Variants in CAMTA1 observed in about 807,000 individuals in gnomAD.
The protein encoded by CAMTA1 is calmodulin-binding transcription activator 1.
Under a neutral mutation model 170.9 loss-of-function variants are expected in CAMTA1, and 27 were observed. That is an observed-to-expected ratio of 0.16 (90% CI 0.12 to 0.22). CAMTA1 has a LOEUF of 0.22. CAMTA1 is among the 10% of genes least tolerant of loss of function. The probability of loss-of-function intolerance (pLI) is 1.00; values close to 1 mark genes in which losing one functional copy is unlikely to be tolerated. For synonymous variants in CAMTA1, 833 were observed against 891.5 expected (o/e 0.93, Z 1.17); for missense variants, 1,619 against 2,217.2 (o/e 0.73, Z 5.42).
intron 3 of CAMTA1, among the ~76,000 whole-genome samples, chr1:6,845,835 T>C (rs2148743232): frequency 6.6e-6 from 1 of 152,318 alleles, no homozygotes; most frequent in Admixed American, 6.5e-5. Flanking sequence ...ATTGTATTAG[T>C]CCGTTCTCAT....
chr1:6,928,369 A>G (rs1683738647), intron 3 of CAMTA1, among the ~76,000 whole-genome samples: 1 of 152,192 alleles, frequency 6.6e-6, no homozygotes, highest in African/African-American at 2.4e-5. Context: ...AGGGAGTCTG[A>G]AGAGATCAGA....
rs201698162 is a variant in CAMTA1 at position 7,467,810 on chromosome 1, C to T, written c.439-20C>T. ...CCTTCCCTCTTTCCAACTGAATTCT[C>T]GTTTTTCCTCTCTCCCTAGTGCTTG... On this transcript the variant is annotated intron_variant, in intron 5 of 22. Coordinates refer to ENST00000303635, the MANE Select transcript of CAMTA1 (RefSeq NM_015215.4). 7.5e-6 allele frequency: 12 copies of T among 1,601,366 alleles called. No individual in the cohort carries two copies. The highest frequency in any genetic ancestry group is 1.6e-4 in the Middle Eastern group (1 of 6,070).
At chr1:7,717,895 C>T (rs891255397) in intron 11 of CAMTA1, among the ~76,000 whole-genome samples, 45 of 152,172 alleles carry the variant, frequency 3.0e-4, no homozygotes, top group African/African-American at 7.7e-4. Context: ...TTGAAGTTCA[C>T]GTTGTGTATT....
At chr1:7,737,687 G>A in intron 15 of CAMTA1, 117 bp downstream of exon 15, 2 of 1,085,142 alleles carry the variant, frequency 1.8e-6, no homozygotes, top group Non-Finnish European at 2.6e-6. Context: ...TTTTGTTAAT[G>A]TTTCTGATTT....
At chr1:6,870,923 T>C (rs914044845) in intron 3 of CAMTA1, among the ~76,000 whole-genome samples, 2 of 152,244 alleles carry the variant, frequency 1.3e-5, no homozygotes, top group African/African-American at 2.4e-5. Flanking sequence ...TGAAATTATT[T>C]AGTATAACCA....
intron 3 of CAMTA1, among the ~76,000 whole-genome samples, chr1:7,069,117 C>T (rs1490935022): frequency 6.6e-6 from 1 of 152,186 alleles, no homozygotes; most frequent in Non-Finnish European, 1.5e-5. Flanking sequence ...TTTCCCATTT[C>T]CGGCCATGTC....
intron 11 of CAMTA1, among the ~76,000 whole-genome samples, chr1:7,712,407 A>G (rs2096577637): frequency 6.6e-6 from 1 of 151,726 alleles, no homozygotes; most frequent in South Asian, 2.1e-4. Context: ...TGCAACTCCC[A>G]CTGCCCAGGC....
intron 4 of CAMTA1, among the ~76,000 whole-genome samples, chr1:7,159,564 G>A (rs1647081678): frequency 6.6e-6 from 1 of 151,964 alleles, no homozygotes; most frequent in Non-Finnish European, 1.5e-5. Context: ...TTGTTTTTGA[G>A]ACAGGGTCTT....
intron 1 of CAMTA1, among the ~76,000 whole-genome samples, chr1:6,793,015 C>CTT (rs34794170): frequency 0.19 from 28,806 of 151,784 alleles, 2,785 homozygotes; most frequent in East Asian, 0.29. Flanking sequence ...TCATACCACT[C>CTT]ATATATATCT....
chr1:7,173,697 A>ATT lies in CAMTA1; in HGVS notation c.303-75784_303-75783dup, dbSNP rs5772268. Among the ~76,000 whole-genome samples, 123 of 149,284 alleles carry ATT rather than the reference A, an allele frequency of 8.2e-4. No individual in the cohort carries two copies. The highest frequency in any genetic ancestry group is 2.7e-3 in the African/African-American group (109 of 40,600). On this transcript the variant is annotated intron_variant, in intron 4 of 22. Coordinates refer to ENST00000303635, the MANE Select transcript of CAMTA1 (RefSeq NM_015215.4). This position sits in a 1 kb window ranked among gnomAD's most constrained non-coding sequence, Gnocchi z 5.4. ...GCCACCGTGCCCAGCCCAGAGCTTA[A>ATT]TTTTTTTTTTTAATTATTTCTTTCT...
intron 3 of CAMTA1, among the ~76,000 whole-genome samples, chr1:6,931,162 T>G (rs1224295848): frequency 6.6e-6 from 1 of 152,150 alleles, no homozygotes; most frequent in South Asian, 2.1e-4. Context: ...AGCAAGAGGG[T>G]GTGGGCTGGG....
At chr1:7,632,010 CGCCCAG>C (rs1218573863) in intron 6 of CAMTA1, among the ~76,000 whole-genome samples, 3 of 152,018 alleles carry the variant, frequency 2.0e-5, no homozygotes, top group Non-Finnish European at 4.4e-5. Context: ...CACCCAGTGT[CGCCCAG>C]TGTCGCCCAG....
intron 5 of CAMTA1, among the ~76,000 whole-genome samples, chr1:7,285,158 C>T (rs770434156): frequency 2.6e-5 from 4 of 152,202 alleles, no homozygotes; most frequent in Admixed American, 6.5e-5. Context: ...TGTTTACAGG[C>T]AGCTCACTTC....
chr1:6,978,170 G>A (rs1295812382), intron 3 of CAMTA1, among the ~76,000 whole-genome samples: 1 of 152,166 alleles, frequency 6.6e-6, no homozygotes, highest in Non-Finnish European at 1.5e-5. Flanking sequence ...GCATAACAGG[G>A]TGGCTAGAGT....
intron 11 of CAMTA1, among the ~76,000 whole-genome samples, chr1:7,713,827 G>A (rs2149694536): frequency 6.6e-6 from 1 of 152,254 alleles, no homozygotes; most frequent in East Asian, 1.9e-4. Flanking sequence ...AACAGAAAGC[G>A]CAAGAATTGT....
chr1:6,878,356 G>T (rs1670524928), intron 3 of CAMTA1, among the ~76,000 whole-genome samples: 1 of 152,234 alleles, frequency 6.6e-6, no homozygotes, highest in Non-Finnish European at 1.5e-5. Context: ...CCACAGCCCA[G>T]CTCGTAGATC....
chr1:7,259,987 A>T (rs7515140), intron 5 of CAMTA1, among the ~76,000 whole-genome samples: 120,426 of 152,194 alleles, frequency 0.79, 48,038 homozygotes, highest in African/African-American at 0.9. Flanking sequence ...AAAGAATGAA[A>T]GATTTTGAAT....
At chr1:7,393,223 CT>C (rs574980138) in intron 5 of CAMTA1, among the ~76,000 whole-genome samples, 19 of 152,038 alleles carry the variant, frequency 1.2e-4, no homozygotes, top group African/African-American at 4.1e-4. Context: ...TGTATGTTTA[CT>C]TTAGTGGGGT....
chr1:7,021,220 T>C (rs1701291665), intron 3 of CAMTA1, among the ~76,000 whole-genome samples: 1 of 152,202 alleles, frequency 6.6e-6, no homozygotes, highest in African/African-American at 2.4e-5. Flanking sequence ...CCGTGATGAA[T>C]TGTGCTCCGG....
Sources: gnomAD v4.1 joint callset for allele counts (sites outside exome capture counted in the v4.1 genomes callset) on GRCh38, gnomAD v4.1.1 for gene constraint, Gnocchi (gnomAD v3.1) non-coding constraint, MANE v1.5 for transcripts, NCBI Gene and HGNC (gene_info 2026-07-23, HGNC 2026-07-21) for gene names.